ASAP1: variants seen among roughly 807,000 people sequenced by gnomAD.
ASAP1 encodes ArfGAP with SH3 domain, ankyrin repeat and PH domain 1.
A neutral mutation model predicts 145.2 loss-of-function variants in ASAP1; 43 were observed. The ratio of observed to expected loss-of-function variants is 0.30; its 90% CI spans 0.23 to 0.38. The LOEUF (loss-of-function observed/expected upper bound fraction) is 0.38. ASAP1 is among the 10% of genes least tolerant of loss of function. ASAP1 has a pLI of 1.00. For missense variants in ASAP1, 1,018 were observed against 1,355.3 expected (o/e 0.75, Z 3.91); for synonymous variants, 546 against 515.5 (o/e 1.06, Z -0.80).
At chr8:130,267,859 G>A (rs964845329) in intron 3 of ASAP1, among the ~76,000 whole-genome samples, 5 of 152,200 alleles carry the variant, frequency 3.3e-5, no homozygotes, top group Non-Finnish European at 7.3e-5. Context: ...AACTCAGGAA[G>A]TGTCCAGCCC....
At chr8:130,231,911 T>A (rs993629796) in intron 4 of ASAP1, among the ~76,000 whole-genome samples, 6 of 152,198 alleles carry the variant, frequency 3.9e-5, no homozygotes. Context: ...CCACTCCTAC[T>A]GTACTGACCC....
chr8:130,070,043 T>C (rs887276764), intron 27 of ASAP1, among the ~76,000 whole-genome samples: 2 of 152,232 alleles, frequency 1.3e-5, no homozygotes, highest in African/African-American at 4.8e-5. Flanking sequence ...GCATCTCTTT[T>C]TTTTTGTTTT....
chr8:130,097,159 A>AAAAAAAAC (rs2097520000), intron 24 of ASAP1, among the ~76,000 whole-genome samples: 1 of 132,946 alleles, frequency 7.5e-6, no homozygotes, highest in Non-Finnish European at 1.6e-5. Context: ...AAAAAAAAAA[A>AAAAAAAAC]AAGTCCTTGA....
intron 4 of ASAP1, among the ~76,000 whole-genome samples, chr8:130,223,394 A>G (rs183855054): frequency 1.3e-5 from 2 of 152,328 alleles, no homozygotes. Flanking sequence ...CAATGCCTAT[A>G]AGGAACATGG....
intron 3 of ASAP1, among the ~76,000 whole-genome samples, chr8:130,325,096 C>G (rs1031341668): frequency 2.0e-5 from 3 of 152,158 alleles, no homozygotes; most frequent in Admixed American, 6.5e-5. Context: ...ATTCCACTGA[C>G]AAATTCTGGG....
At chr8:130,280,868 G>T (rs186084684) in intron 3 of ASAP1, among the ~76,000 whole-genome samples, 72 of 152,164 alleles carry the variant, frequency 4.7e-4, no homozygotes, top group Admixed American at 9.8e-4. Flanking sequence ...GTCATTAATA[G>T]CACCATTTCA....
rs1824289333 is a variant in ASAP1, at chr8:130,325,819, T to G, written c.186+32198A>C. Among the ~76,000 whole-genome samples, 3 of 152,134 alleles carry G rather than the reference T, an allele frequency of 2.0e-5. No homozygotes were observed. The South Asian group carries it at 6.2e-4, about 32-fold the overall frequency. ...GATGTTTTTGTTCTTATATTGTGGA[T>G]GACAAAACCAAGGCTCCGAGAAGAG... On this transcript the variant is annotated intron_variant, in intron 3 of 29. Transcript: ENST00000518721.
chr8:130,203,536 G>A (rs573811784), intron 5 of ASAP1, among the ~76,000 whole-genome samples: 1 of 152,306 alleles, frequency 6.6e-6, no homozygotes, highest in South Asian at 2.1e-4. Flanking sequence ...GAGAGACTCA[G>A]GCAACATTGT....
intron 2 of ASAP1, among the ~76,000 whole-genome samples, chr8:130,399,171 G>C (rs1469908880): frequency 6.6e-6 from 1 of 152,168 alleles, no homozygotes; most frequent in Non-Finnish European, 1.5e-5. Context: ...AGCTAAAATG[G>C]GGCTGTGAGG....
At chr8:130,080,723 C>G (rs1302075754) in intron 25 of ASAP1, among the ~76,000 whole-genome samples, 2 of 152,004 alleles carry the variant, frequency 1.3e-5, no homozygotes, top group Non-Finnish European at 2.9e-5. Context: ...GCATCGGCCT[C>G]CTGGGTTCAA....
intron 24 of ASAP1, among the ~76,000 whole-genome samples, chr8:130,098,967 TATACTCTCTACTAATATAAGCTCA>T (rs1234109067): frequency 6.6e-6 from 1 of 151,286 alleles, no homozygotes; most frequent in Non-Finnish European, 1.5e-5. Context: ...TAACCTCTCT[TATACTCTCTACTAATATAAGCTCA>T]ATACTCTCTA....
intron 20 of ASAP1, 56 bp from the exon 21 acceptor site, chr8:130,117,051 T>C (rs564312779): frequency 5.6e-6 from 7 of 1,239,166 alleles, no homozygotes; most frequent in African/African-American, 3.0e-5. Flanking sequence ...CTTAAAACTA[T>C]AGATTAGCCA....
chr8:130,072,830 C>CGCGCGCGCGCGCG (rs1448184178), intron 27 of ASAP1, among the ~76,000 whole-genome samples: 32 of 31,910 alleles, frequency 1.0e-3, no homozygotes, highest in African/African-American at 2.7e-3. Flanking sequence ...TGTGTGCGCG[C>CGCGCGCGCGCGCG]GGGGGGGGGC....
intron 5 of ASAP1, among the ~76,000 whole-genome samples, chr8:130,195,706 A>G (rs1163066468): frequency 6.6e-6 from 1 of 152,152 alleles, no homozygotes; most frequent in East Asian, 1.9e-4. Context: ...ATCTTTCATT[A>G]TGCAAAAGGG....
At chr8:130,255,267 C>G (rs916336508) in intron 3 of ASAP1, among the ~76,000 whole-genome samples, 1 of 152,130 alleles carries the variant, frequency 6.6e-6, no homozygotes, top group African/African-American at 2.4e-5. Flanking sequence ...GTTTTGAACA[C>G]AATACCCAGC....
chr8:130,326,107 T>A (rs1457448944), intron 3 of ASAP1, among the ~76,000 whole-genome samples: 2 of 152,170 alleles, frequency 1.3e-5, no homozygotes, highest in African/African-American at 4.8e-5. Flanking sequence ...TTCTAAGTAG[T>A]AGAGGGTTGC....
chr8:130,209,106 T>C (rs1401495514), intron 5 of ASAP1, among the ~76,000 whole-genome samples: 1 of 152,244 alleles, frequency 6.6e-6, no homozygotes, highest in Non-Finnish European at 1.5e-5. Context: ...CTAATATTAA[T>C]GTAGCCTATT....
rs567126831 is a variant in ASAP1, at chr8:130,309,289, G to C, written c.186+48728C>G. Among the ~76,000 whole-genome samples the C allele has an allele frequency of 2.6e-5, 4 of 152,150 alleles. No homozygotes were observed. In the South Asian group the frequency reaches 8.3e-4, roughly 32 times the overall value. On this transcript the variant is annotated intron_variant, in intron 3 of 29. Transcript: ENST00000518721. Reference sequence around the variant, plus strand: ...CAATTAATTTCAACAGAATGAATAAGTACTAAGACAGAGGTACACAATTTC... The same window carrying C: ...CAATTAATTTCAACAGAATGAATAACTACTAAGACAGAGGTACACAATTTC...
chr8:130,329,178 C>T (rs1310246107), intron 3 of ASAP1, among the ~76,000 whole-genome samples: 1 of 152,178 alleles, frequency 6.6e-6, no homozygotes, highest in East Asian at 1.9e-4. Flanking sequence ...ACCACTGCTG[C>T]TGCCTCATCT....
Sources: allele counts gnomAD v4.1 joint callset (sites outside exome capture counted in the v4.1 genomes callset), GRCh38; gene constraint gnomAD v4.1.1; transcripts MANE v1.5; gene names NCBI Gene and HGNC (gene_info 2026-07-23, HGNC 2026-07-21).